FITM2: variants seen among roughly 807,000 people sequenced by gnomAD.
The protein encoded by FITM2 is fat storage inducing transmembrane protein 2, also known as acyl-coenzyme A diphosphatase FITM2.
A neutral mutation model predicts 23.3 loss-of-function variants in FITM2; 16 were observed. That is an observed-to-expected ratio of 0.69 (90% confidence interval 0.47 to 1.05). The LOEUF is 1.05. Among genes scored for constraint, FITM2 ranks in the 50% least tolerant of loss-of-function variants. The probability of loss-of-function intolerance (pLI) is 0.00; values close to 1 mark genes in which losing one functional copy is unlikely to be tolerated. For synonymous variants in FITM2, 132 were observed against 142.0 expected, an observed-to-expected ratio of 0.93 and a Z score of 0.50; for missense variants, 273 against 327.5, an observed-to-expected ratio of 0.83 and a Z score of 1.29.
intron 1 of FITM2, among the ~76,000 whole-genome samples, chr20:44,309,381 C>T (rs1428532430): frequency 5.9e-5 from 9 of 151,928 alleles, no homozygotes; most frequent in South Asian, 2.1e-4. Context: ...GGTTTCACCA[C>T]GTTGGCCAGG....
In FITM2 at chr20:44,306,523, T is replaced by A. The variant is rs1016271226; in HGVS notation, c.*102A>T. On this transcript the variant is annotated 3_prime_UTR_variant, in exon 2 of 2. Coordinates refer to ENST00000396825, the MANE Select transcript of FITM2 (RefSeq NM_001080472.4). Reference sequence around the variant, plus strand: ...CCCACCAAAACTGCCTGGTACACTTTCCCTCTGAAGTAGGATCAATAATTT... The same window carrying A: ...CCCACCAAAACTGCCTGGTACACTTACCCTCTGAAGTAGGATCAATAATTT... The A allele has an allele frequency of 8.0e-6, 12 of 1,496,806 alleles. No homozygotes were observed. Among genetic ancestry groups the A allele is most frequent in the Admixed American group, 2.1e-5 (1 of 48,228 alleles). The allele number at this position is 1,496,806 out of a possible 1,614,324, so 92.7% of individuals were successfully genotyped here.
At position 44,311,159 on chromosome 20, in the gene FITM2, G is replaced by C. The variant is rs1156238170; in HGVS notation, c.-11C>G. 3 of 1,607,714 alleles carry C rather than the reference G, an allele frequency of 1.9e-6. No individual in the cohort carries two copies. Among genetic ancestry groups the C allele is most frequent in the African/African-American group, 2.7e-5 (2 of 74,912 alleles). On this transcript the variant is annotated 5_prime_UTR_variant, in exon 1 of 2. Coordinates refer to ENST00000396825, the MANE Select transcript of FITM2 (RefSeq NM_001080472.4). ...CTCCAGATGCTCCATGCCGGATCTC[G>C]TCAGCCACCGTCCTCCTCTCCGTGC...
rs998882269 is a variant in FITM2, at chr20:44,310,962, C to T, written c.173+14G>A. 2 of 1,537,392 alleles carry T rather than the reference C, an allele frequency of 1.3e-6. No homozygotes were observed. Among genetic ancestry groups the T allele is most frequent in the Non-Finnish European group, 1.8e-6 (2 of 1,139,032 alleles). On this transcript the variant is annotated intron_variant, in intron 1 of 1. Transcript: ENST00000396825. The stretch of plus-strand genomic sequence containing the variant: ...GGCTCGGGCGGGGACAGCGGAGGAC[C>T]GGGGTGCACTCACACGTTGAGGACG...
At position 44,310,961 on chromosome 20, in the gene FITM2, C is replaced by A; in HGVS notation, c.173+15G>T. 6.5e-7 allele frequency: 1 copy of A among 1,536,840 alleles called. No individual in the cohort carries two copies. Among genetic ancestry groups the A allele is most frequent in the Non-Finnish European group, 8.8e-7 (1 of 1,138,616 alleles). The stretch of plus-strand genomic sequence containing the variant: ...CGGCTCGGGCGGGGACAGCGGAGGA[C>A]CGGGGTGCACTCACACGTTGAGGAC... On this transcript the variant is annotated intron_variant, in intron 1 of 1. Transcript: ENST00000396825.
intron 1 of FITM2, among the ~76,000 whole-genome samples, chr20:44,310,537 G>A (rs542637087): frequency 1.1e-3 from 165 of 152,254 alleles, no homozygotes; most frequent in African/African-American, 3.7e-3. Context: ...CGCGCTGGAG[G>A]GATCTGATCT....
intron 1 of FITM2, among the ~76,000 whole-genome samples, chr20:44,309,682 C>A (rs985880629): frequency 2.6e-5 from 4 of 152,156 alleles, no homozygotes; most frequent in African/African-American, 9.7e-5. Context: ...CCTTCTATAT[C>A]CCAGGATTCA....
In FITM2 at chr20:44,311,108, G is replaced by A. The variant is rs1204903106; in HGVS notation, c.41C>T (p.Thr14Met). 1 of 1,612,882 alleles carries A rather than the reference G, an allele frequency of 6.2e-7. No homozygotes were observed. The highest frequency in any genetic ancestry group is 8.5e-7 in the Non-Finnish European group (1 of 1,179,584). The part of the protein sequence containing the change: ...LERCEWLLRG[T>M]LVRAAVRRYL... ...GCGCCGCACGGCCGCCCGCACCAGC[G>A]TCCCCCGCAACAACCACTCGCAGCG... is the stretch of plus-strand genomic sequence containing the variant. Residue 14 changes from threonine to methionine, a missense_variant, in exon 1 of 2, where the codon ACG becomes ATG. Physicochemically the swap from Thr to Met is moderately conservative, Grantham distance 81 (BLOSUM62 -1). Transcript: ENST00000396825.
chr20:44,306,601 T>C lies in FITM2; in HGVS notation c.*24A>G. ...TTGAAAAATAGATTAGCCATTGTCC[T>C]TCTGTCCCCCCTCTGTTACTCTTTT... On this transcript the variant is annotated 3_prime_UTR_variant, in exon 2 of 2. Transcript: ENST00000396825. 1 of 1,604,284 alleles carries C rather than the reference T, an allele frequency of 6.2e-7. No individual in the cohort carries two copies. Among genetic ancestry groups the C allele is most frequent in the East Asian group, 2.2e-5 (1 of 44,682 alleles).
At position 44,303,869 on chromosome 20, in the gene FITM2, GCCTCCCAAAGTGC is replaced by G. The variant is rs2062683187; in HGVS notation, c.*2743_*2755del. On this transcript the variant is annotated 3_prime_UTR_variant, in exon 2 of 2. Coordinates refer to ENST00000396825, the MANE Select transcript of FITM2 (RefSeq NM_001080472.4). ...AACCTCAAGTGATCCTCCCATCTCA[GCCTCCCAAAGTGC>G]TAGGATTACAGGTGTGAGCCACCAT... The G allele has an allele frequency of 6.7e-6, 1 of 150,142 alleles. No individual in the cohort carries two copies. Among genetic ancestry groups the G allele is most frequent in the African/African-American group, 2.5e-5 (1 of 39,452 alleles). 9.3% of individuals were successfully genotyped at this position (150,142 alleles called of 1,614,324 possible).
intron 1 of FITM2, 82 bp downstream of exon 1, chr20:44,310,894 C>T (rs956072234): frequency 2.0e-6 from 3 of 1,470,336 alleles, no homozygotes; most frequent in South Asian, 1.4e-5. Flanking sequence ...TCGTCCACCA[C>T]GGCAGCTAGC....
Position 44,311,110 on chromosome 20 carries a change from C to G in FITM2, c.39G>C (p.Gly13=). The change falls in exon 1 of 2, where the codon GGG becomes GGC. Residue 13 remains glycine (G), a synonymous_variant. Coordinates refer to ENST00000396825, the MANE Select transcript of FITM2 (RefSeq NM_001080472.4). ...HLERCEWLLR[G]TLVRAAVRRY... ...GCCGCACGGCCGCCCGCACCAGCGTCCCCCGCAACAACCACTCGCAGCGCT... is the reference window on the plus strand; with the variant it reads ...GCCGCACGGCCGCCCGCACCAGCGTGCCCCGCAACAACCACTCGCAGCGCT... The G allele has an allele frequency of 6.2e-7, 1 of 1,612,942 alleles. No homozygotes were observed. Among genetic ancestry groups the G allele is most frequent in the Non-Finnish European group, 8.5e-7 (1 of 1,179,552 alleles).
At position 44,303,199 on chromosome 20, in the gene FITM2, G is replaced by A. The variant is rs141014581; in HGVS notation, c.*3426C>T. 3.7e-4 allele frequency: 56 copies of A among 152,270 alleles called. No individual in the cohort carries two copies. The highest frequency in any genetic ancestry group is 1.1e-3 in the African/African-American group (47 of 41,554). 9.4% of individuals were successfully genotyped at this position (152,270 alleles called of 1,614,324 possible). ...GGCTTACTCAAGAAAAAGGAGGCAG[G>A]GAGACTATGGCCTGCTAAGCACAGA... On this transcript the variant is annotated 3_prime_UTR_variant, in exon 2 of 2. Transcript: ENST00000396825.
rs2062683773 is a variant in FITM2 at position 44,304,096 on chromosome 20, G to A, written c.*2529C>T. 1 of 152,176 alleles carries A rather than the reference G, an allele frequency of 6.6e-6. No individual in the cohort carries two copies. Among genetic ancestry groups the A allele is most frequent in the African/African-American group, 2.4e-5 (1 of 41,446 alleles). 9.4% of individuals were successfully genotyped at this position (152,176 alleles called of 1,614,324 possible). ...GCTCCTTTTGGGTGCAACAAATCAT[G>A]ACTCATTGTGATGGATAAAATTAAC... On this transcript the variant is annotated 3_prime_UTR_variant, in exon 2 of 2. Transcript: ENST00000396825.
rs918516893 is a variant in FITM2 at position 44,304,563 on chromosome 20, G to C, written c.*2062C>G. ...GGTATGGTTTGGTTTAGTTTGGTTG[G>C]TGATGCAAGTAACAGGAGGGAGGGA... On this transcript the variant is annotated 3_prime_UTR_variant, in exon 2 of 2. Coordinates refer to ENST00000396825, the MANE Select transcript of FITM2 (RefSeq NM_001080472.4). The C allele has an allele frequency of 1.3e-5, 2 of 152,180 alleles. No homozygotes were observed. The highest frequency in any genetic ancestry group is 2.9e-5 in the Non-Finnish European group (2 of 68,046). The allele number at this position is 152,180 out of a possible 1,614,324, so 9.4% of individuals were successfully genotyped here.
chr20:44,310,873 C>T (rs2062702953), intron 1 of FITM2, 103 bp downstream of exon 1: 4 of 1,417,640 alleles, frequency 2.8e-6, no homozygotes, highest in Non-Finnish European at 3.8e-6. Context: ...GAGGACCTCC[C>T]CTCCAATGAC....
rs370337504 is a variant in FITM2 at position 44,307,125 on chromosome 20, G to C, written c.289C>G (p.Leu97Val). 6.2e-7 allele frequency: 1 copy of C among 1,614,100 alleles called. No individual in the cohort carries two copies. Among genetic ancestry groups the C allele is most frequent in the Non-Finnish European group, 8.5e-7 (1 of 1,180,036 alleles). ...AGLVLRRLST[L>V]LVGTAIWYIC... ...TACCAGATGGCCGTGCCCACAAGCA[G>C]GGTGCTCAGCCGCCGCAGGACCAAG... Residue 97 changes from leucine to valine, a missense_variant, in exon 2 of 2, where the codon CTG (leucine) becomes GTG (valine). Coordinates refer to ENST00000396825, the MANE Select transcript of FITM2 (RefSeq NM_001080472.4).
At position 44,306,646 on chromosome 20, in the gene FITM2, C is replaced by CAAGAAATAAAA; in HGVS notation, c.767_768insTTTTATTTCTT (p.Lys256AsnfsTer24). The CAAGAAATAAAA allele has an allele frequency of 6.2e-7, 1 of 1,613,676 alleles. No individual in the cohort carries two copies. The highest frequency in any genetic ancestry group is 1.1e-5 in the South Asian group (1 of 91,018). On this transcript the variant is annotated frameshift_variant, in exon 2 of 2. Transcript: ENST00000396825. LOFTEE classifies it high-confidence loss of function. ...TCTTTTATTTCTTGTAACTATCTTG[C>CAAGAAATAAAA]TTCAAATTCAAACTACAGCTCTGGG...
intron 1 of FITM2, among the ~76,000 whole-genome samples, chr20:44,307,518 C>T (rs1326461352): frequency 6.6e-6 from 1 of 151,974 alleles, no homozygotes; most frequent in Non-Finnish European, 1.5e-5. Context: ...CTCCGCCTCC[C>T]GGGTTCAAGC....
chr20:44,307,960 G>C (rs1038287823), intron 1 of FITM2, among the ~76,000 whole-genome samples: 1 of 151,986 alleles, frequency 6.6e-6, no homozygotes, highest in Non-Finnish European at 1.5e-5. Context: ...GGTGGCGGGC[G>C]CCTGTAGTCC....
Sources: gnomAD v4.1 joint callset for allele counts (sites outside exome capture counted in the v4.1 genomes callset) on GRCh38, gnomAD v4.1.1 for gene constraint, MANE v1.5 for transcripts, NCBI Gene and HGNC (gene_info 2026-07-23, HGNC 2026-07-21) for gene names.